The following BRF1 variants were observed in gnomAD, a reference collection of about 807,000 sequenced individuals.
BRF1 encodes the protein transcription factor IIIB 90 kDa subunit.
BRF1 carries 59 observed loss-of-function variants against 81.7 expected under a neutral mutation model. The ratio of observed to expected loss-of-function variants is 0.72; its 90% CI spans 0.59 to 0.90. The LOEUF (loss-of-function observed/expected upper bound fraction) is 0.90. Among genes scored for constraint, BRF1 ranks in the 40% least tolerant of loss-of-function variants. BRF1 has a pLI of 0.00. For synonymous variants in BRF1, 491 were observed against 395.6 expected, an observed-to-expected ratio of 1.24 and a Z score of -2.86; for missense variants, 1,050 against 936.3, an observed-to-expected ratio of 1.12 and a Z score of -1.58.
At chr14:105,241,693 A>T (rs1239651786) in intron 5 of BRF1, 3 of 500,458 alleles carry the variant, frequency 6.0e-6, no homozygotes, top group Non-Finnish European at 1.1e-5. Flanking sequence ...CCTGCTCAGG[A>T]CACAGAGGGG....
intron 5 of BRF1, among the ~76,000 whole-genome samples, chr14:105,244,175 C>T (rs929719697): frequency 1.3e-5 from 2 of 151,502 alleles, no homozygotes; most frequent in Non-Finnish European, 2.9e-5. Flanking sequence ...GATGCAGTGG[C>T]TCACACCTGT....
At position 105,308,467 on chromosome 14, in the gene BRF1, G is replaced by C. The variant is rs587703639; in HGVS notation, c.-162+6855C>G. On this transcript the variant is annotated intron_variant, in intron 1 of 17. Transcript: ENST00000327359. ...ATTGTACTCCAGCCTGGGCACGACA[G>C]AGGCAGATTCTGTCTTTTTTTTTTT... 7.9e-5 allele frequency among the ~76,000 whole-genome samples: 12 copies of C among 151,094 alleles called. 1 individual carries two copies. The highest frequency in any genetic ancestry group is 2.9e-4 in the African/African-American group (12 of 41,106).
At chr14:105,266,002 C>A (rs952227255) in intron 3 of BRF1, among the ~76,000 whole-genome samples, 1 of 151,424 alleles carries the variant, frequency 6.6e-6, no homozygotes, top group Non-Finnish European at 1.5e-5. Flanking sequence ...ACCCAGAGGG[C>A]AGAGGTTGCA....
At chr14:105,256,640 C>T (rs2055888821) in intron 3 of BRF1, 91 bp from the exon 4 acceptor site, 1 of 1,547,776 alleles carries the variant, frequency 6.5e-7, no homozygotes, top group African/African-American at 1.4e-5. Flanking sequence ...ACTGCACCTG[C>T]AGGGAGCTGG....
intron 6 of BRF1, among the ~76,000 whole-genome samples, chr14:105,229,637 T>A (rs1566819892): frequency 6.6e-6 from 1 of 151,020 alleles, no homozygotes; most frequent in African/African-American, 2.4e-5. Flanking sequence ...GTCGCCCAGC[T>A]GGGGGCGGGG....
chr14:105,308,078 G>A (rs1340218789), intron 1 of BRF1, among the ~76,000 whole-genome samples: 1 of 152,162 alleles, frequency 6.6e-6, no homozygotes, highest in Non-Finnish European at 1.5e-5. Flanking sequence ...AGCTACTTGG[G>A]AGGCTGAGGC....
chr14:105,220,698 A>T (rs1030115740), intron 11 of BRF1, among the ~76,000 whole-genome samples: 1 of 152,146 alleles, frequency 6.6e-6, no homozygotes, highest in Non-Finnish European at 1.5e-5. Flanking sequence ...TGGAATTGGG[A>T]CAGCCTCTCC....
intron 5 of BRF1, chr14:105,242,735 C>CAAAAAAAA (rs753645207): frequency 2.6e-5 from 1 of 38,876 alleles, no homozygotes; most frequent in Non-Finnish European, 4.2e-5. Flanking sequence ...AGTTCTGACT[C>CAAAAAAAA]AAAAAAAAAA....
intron 3 of BRF1, among the ~76,000 whole-genome samples, chr14:105,262,014 G>A (rs587608815): frequency 1.3e-4 from 20 of 152,348 alleles, no homozygotes; most frequent in Admixed American, 5.9e-4. Flanking sequence ...CCGAAGCTCC[G>A]TGTAGAGCAG....
chr14:105,296,999 A>C (rs2057775032), intron 1 of BRF1, among the ~76,000 whole-genome samples: 1 of 150,688 alleles, frequency 6.6e-6, no homozygotes, highest in Admixed American at 6.6e-5. Flanking sequence ...CTCTACTAAA[A>C]ATACAAAAAT....
intron 3 of BRF1, among the ~76,000 whole-genome samples, chr14:105,261,940 C>T (rs1016151556): frequency 6.6e-6 from 1 of 152,078 alleles, no homozygotes; most frequent in African/African-American, 2.4e-5. Context: ...TCTGCAGGCC[C>T]CCCCTGCTCT....
intron 5 of BRF1, among the ~76,000 whole-genome samples, chr14:105,245,788 A>G (rs2140244670): frequency 6.6e-6 from 1 of 151,264 alleles, no homozygotes. Context: ...CCGATGCAAG[A>G]CCCAAACACA....
intron 15 of BRF1, chr14:105,212,524 CGA>C (rs1215538920): frequency 3.9e-6 from 1 of 257,492 alleles, no homozygotes; most frequent in Non-Finnish European, 7.6e-6. Context: ...CTGTCAGACC[CGA>C]GAGTGCTTCC....
chr14:105,285,226 G>C (rs910591014), intron 2 of BRF1, among the ~76,000 whole-genome samples: 8 of 152,218 alleles, frequency 5.3e-5, no homozygotes, highest in African/African-American at 1.4e-4. Context: ...TTTTGAAAGA[G>C]AGCAGTTAGA....
intron 1 of BRF1, among the ~76,000 whole-genome samples, chr14:105,308,489 T>C (rs1469634315): frequency 6.7e-6 from 1 of 150,238 alleles, no homozygotes; most frequent in South Asian, 2.1e-4. Flanking sequence ...GTCTTTTTTT[T>C]TTTTTTTTTT....
intron 6 of BRF1, among the ~76,000 whole-genome samples, chr14:105,229,538 C>G (rs587726190): frequency 6.6e-6 from 1 of 152,174 alleles, no homozygotes; most frequent in African/African-American, 2.4e-5. Flanking sequence ...GACCAGGCCA[C>G]GGCCACATCC....
At chr14:105,304,566 C>T (rs1368061107), upstream of BRF1, among the ~76,000 whole-genome samples, 1 of 152,214 alleles carries the variant, frequency 6.6e-6, no homozygotes, top group Non-Finnish European at 1.5e-5. Context: ...GTGCGTGCTG[C>T]CAGAACTAAG....
intron 10 of BRF1, among the ~76,000 whole-genome samples, chr14:105,223,575 C>T (rs1382271650): frequency 2.6e-5 from 4 of 152,224 alleles, no homozygotes; most frequent in African/African-American, 9.6e-5. Flanking sequence ...GATCCTACTC[C>T]TACGGAATTC....
At chr14:105,254,931 ACAGT>A (rs1325848319) in intron 4 of BRF1, among the ~76,000 whole-genome samples, 2 of 152,214 alleles carry the variant, frequency 1.3e-5, no homozygotes, top group African/African-American at 4.8e-5. Flanking sequence ...TCTCTTGCTA[ACAGT>A]CTAACTGTGG....
Sources: allele counts gnomAD v4.1 joint callset (sites outside exome capture counted in the v4.1 genomes callset), GRCh38; gene constraint gnomAD v4.1.1; transcripts MANE v1.5; gene names NCBI Gene and HGNC (gene_info 2026-07-23, HGNC 2026-07-21).